Variants in EPB41 observed in about 807,000 individuals in gnomAD.
The protein encoded by EPB41 is protein 4.1.
In EPB41, 65 loss-of-function variants were observed where a neutral mutation model predicts 108.0. That is an observed-to-expected ratio of 0.60 (90% CI 0.49 to 0.74). EPB41 has a LOEUF of 0.74. Ranked by LOEUF, EPB41 falls within the 30% of genes least tolerant of loss-of-function variation. EPB41 has a pLI of 0.00. For synonymous variants in EPB41, 336 were observed against 358.9 expected (o/e 0.94, Z 0.72); for missense variants, 875 against 1,037.0 (o/e 0.84, Z 2.15).
rs2150009343 is a variant in EPB41, at chr1:29,015,161, C to T, written c.830-531C>T. On this transcript the variant is annotated intron_variant, in intron 5 of 20. Transcript: ENST00000343067. ...ATTAAGTCAGGCAAAAAAATGAGATCCTCTAGCACAAATCCTTAAGTGATA... is the reference window on the plus strand; with the variant it reads ...ATTAAGTCAGGCAAAAAAATGAGATTCTCTAGCACAAATCCTTAAGTGATA... Among the ~76,000 whole-genome samples the T allele has an allele frequency of 1.3e-5, 2 of 152,256 alleles. 1 individual carries two copies. The highest frequency in any genetic ancestry group is 4.1e-4 in the South Asian group (2 of 4,824).
rs535278941 is a variant in EPB41, at chr1:29,115,550, T to C, written c.2497-149T>C. 7.1e-5 allele frequency: 49 copies of C among 693,274 alleles called. No homozygotes were observed. Among genetic ancestry groups the C allele is most frequent in the Non-Finnish European group, 1.1e-4 (44 of 388,436 alleles). 42.9% of individuals were successfully genotyped at this position (693,274 alleles called of 1,614,324 possible). A position where few individuals can be genotyped will look rare whatever the true frequency, so the allele number is the denominator to read the frequency against. On this transcript the variant is annotated intron_variant, in intron 19 of 20. Coordinates refer to ENST00000343067, the MANE Select transcript of EPB41 (RefSeq NM_001376013.1). This position sits in a 1 kb window ranked among gnomAD's most constrained non-coding sequence, Gnocchi z 4.4. ...CCTATGCAGGATAGGGTGGGTAAGG[T>C]AATTATCAGCTTGGCTTAGCCTAAA...
intron 2 of EPB41, 45 bp from the exon 3 acceptor site, chr1:28,993,285 G>C: frequency 6.7e-7 from 1 of 1,498,978 alleles, no homozygotes; most frequent in Non-Finnish European, 9.3e-7. Context: ...AGCATGTTTT[G>C]TGAAATGTGT....
At chr1:28,937,280 T>A (rs1245850795) in intron 1 of EPB41, among the ~76,000 whole-genome samples, 1 of 152,232 alleles carries the variant, frequency 6.6e-6, no homozygotes, top group African/African-American at 2.4e-5. Context: ...ATTGTGAGAG[T>A]ACTTTATGCA....
chr1:29,114,835 A>G (rs1670369954), intron 19 of EPB41, among the ~76,000 whole-genome samples: 1 of 152,154 alleles, frequency 6.6e-6, no homozygotes, highest in South Asian at 2.1e-4. Context: ...TTAATAAATT[A>G]TAACTTAATA....
At chr1:29,016,322 T>G (rs1201717919) in intron 6 of EPB41, among the ~76,000 whole-genome samples, 1 of 151,260 alleles carries the variant, frequency 6.6e-6, no homozygotes, top group Non-Finnish European at 1.5e-5. Context: ...ATTACAGATG[T>G]GCACCACCAC....
At chr1:29,002,047 CCTT>C (rs1318634754) in intron 4 of EPB41, among the ~76,000 whole-genome samples, 3 of 152,060 alleles carry the variant, frequency 2.0e-5, no homozygotes, top group Non-Finnish European at 4.4e-5. Context: ...AGTTACTTGT[CCTT>C]CTGTTTTCTC....
intron 16 of EPB41, among the ~76,000 whole-genome samples, chr1:29,078,907 A>G (rs1166294470): frequency 2.0e-5 from 3 of 152,150 alleles, no homozygotes; most frequent in African/African-American, 4.8e-5. Context: ...ATTTCCCCCT[A>G]AAGAATAAAG....
At chr1:28,889,786 C>T (rs771869616) in intron 1 of EPB41, 19 of 985,128 alleles carry the variant, frequency 1.9e-5, no homozygotes, top group African/African-American at 5.2e-5. Flanking sequence ...GGAACCAAAC[C>T]GAGCTTCATT....
rs373720540 is a variant in EPB41 at position 29,011,915 on chromosome 1, G to C, written c.829+8G>C. Reference sequence around the variant, plus strand: ...TAAAAAAGCAGGTTCGTGGTAAGTGGATATAGCTCTTTTTATAGTTCTTTC... The same window carrying C: ...TAAAAAAGCAGGTTCGTGGTAAGTGCATATAGCTCTTTTTATAGTTCTTTC... On this transcript the variant is annotated splice_region_variant and intron_variant, in intron 5 of 20. Transcript: ENST00000343067. 3.4e-5 allele frequency: 55 copies of C among 1,613,884 alleles called. No homozygotes were observed. The highest frequency in any genetic ancestry group is 4.5e-5 in the Non-Finnish European group (53 of 1,179,930).
chr1:29,037,516 A>G (rs191654260), intron 10 of EPB41, among the ~76,000 whole-genome samples: 9 of 152,222 alleles, frequency 5.9e-5, no homozygotes, highest in Admixed American at 4.6e-4. Flanking sequence ...CACCCAGTCT[A>G]GTAGAGAAGA....
intron 2 of EPB41, among the ~76,000 whole-genome samples, chr1:28,990,409 C>G (rs781079018): frequency 3.5e-5 from 5 of 142,758 alleles, no homozygotes; most frequent in Non-Finnish European, 7.6e-5. Flanking sequence ...CCTTCCCCCT[C>G]TTTATTTATT....
In EPB41 at chr1:28,969,727, G is replaced by A. The variant is rs143483977; in HGVS notation, c.-7-17704G>A. On this transcript the variant is annotated intron_variant, in intron 1 of 20. Transcript: ENST00000343067. Reference sequence around the variant, plus strand: ...ATCCTGGCTAACACGGTGAAACTCCGTCTCTACTAAAAAAATACAAAAAAT... The same window carrying A: ...ATCCTGGCTAACACGGTGAAACTCCATCTCTACTAAAAAAATACAAAAAAT... Among the ~76,000 whole-genome samples, 591 of 151,984 alleles carry A rather than the reference G, an allele frequency of 3.9e-3. 6 individuals are homozygous for A. The highest frequency in any genetic ancestry group is 0.013 in the African/African-American group (550 of 41,462).
At chr1:29,065,379 G>C in intron 16 of EPB41, 1 of 638,574 alleles carries the variant, frequency 1.6e-6, no homozygotes, top group Non-Finnish European at 2.3e-6. Context: ...GCCACCAGTA[G>C]ATGATTAGCC....
rs1296342204 is a variant in EPB41 at position 29,018,365 on chromosome 1, T to C, written c.1047T>C (p.Tyr349=). The change falls in exon 7 of 21, where the codon TAT becomes TAC. Residue 349 remains tyrosine, a synonymous_variant. Coordinates refer to ENST00000343067, the MANE Select transcript of EPB41 (RefSeq NM_001376013.1). The surrounding 1 kb of genome is among the most constrained non-coding windows in gnomAD (Gnocchi z 4.4). ...DYDPELHGVD[Y]VSDFKLAPNQ... Reference sequence around the variant, plus strand: ...ACCCAGAACTCCATGGCGTGGATTATGTTAGTGATTTTAAACTGGCCCCGA... The same window carrying C: ...ACCCAGAACTCCATGGCGTGGATTACGTTAGTGATTTTAAACTGGCCCCGA... 6.2e-7 allele frequency: 1 copy of C among 1,614,166 alleles called. No homozygotes were observed. The highest frequency in any genetic ancestry group is 1.1e-5 in the South Asian group (1 of 91,086).
At chr1:28,967,759 C>G (rs996915876) in intron 1 of EPB41, among the ~76,000 whole-genome samples, 1 of 151,482 alleles carries the variant, frequency 6.6e-6, no homozygotes, top group African/African-American at 2.4e-5. Flanking sequence ...GTGTGAGCCA[C>G]TGAACCCAGC....
chr1:29,018,380 A>G lies in EPB41; in HGVS notation c.1062A>G (p.Lys354=). 2 of 1,614,140 alleles carry G rather than the reference A, an allele frequency of 1.2e-6. No homozygotes were observed. The highest frequency in any genetic ancestry group is 2.2e-5 in the South Asian group (2 of 91,086). The stretch of plus-strand genomic sequence containing the variant: ...GCGTGGATTATGTTAGTGATTTTAA[A>G]CTGGCCCCGAATCAGACCAAGGAAC... ...LHGVDYVSDF[K]LAPNQTKELE... is the part of the protein sequence containing the mutation. Residue 354 remains lysine (K), a synonymous_variant, in exon 7 of 21, where the codon AAA becomes AAG. Coordinates refer to ENST00000343067, the MANE Select transcript of EPB41 (RefSeq NM_001376013.1). The surrounding 1 kb of genome is among the most constrained non-coding windows in gnomAD (Gnocchi z 4.4).
chr1:28,903,427 C>T (rs1312499107), intron 1 of EPB41, among the ~76,000 whole-genome samples: 5 of 150,766 alleles, frequency 3.3e-5, no homozygotes, highest in East Asian at 1.9e-4. Context: ...TGGGTGCAAG[C>T]GATTCTCCTG....
chr1:29,097,245 T>G (rs2151483866), intron 16 of EPB41: 1 of 158,966 alleles, frequency 6.3e-6, no homozygotes, highest in Non-Finnish European at 1.4e-5. Flanking sequence ...CTGGGATTAA[T>G]CACCAGGTGG....
upstream of EPB41, among the ~76,000 whole-genome samples, chr1:28,911,925 C>T (rs528147220): frequency 7.9e-5 from 12 of 152,252 alleles, no homozygotes; most frequent in African/African-American, 2.9e-4. Context: ...CCTGTAATCC[C>T]AGCTACTCAC....
Sources: allele counts gnomAD v4.1 joint callset (sites outside exome capture counted in the v4.1 genomes callset), GRCh38; gene constraint gnomAD v4.1.1; non-coding constraint Gnocchi (gnomAD v3.1); transcripts MANE v1.5; gene names NCBI Gene and HGNC (gene_info 2026-07-23, HGNC 2026-07-21).